Variants in RMDN2 observed in about 807,000 individuals in gnomAD.
RMDN2 encodes regulator of microtubule dynamics 2.
In RMDN2, 61 loss-of-function variants were observed where a neutral mutation model predicts 52.8. That is an observed-to-expected ratio of 1.16 (90% CI 0.94 to 1.43). RMDN2 has a LOEUF of 1.43. Among genes scored for constraint, RMDN2 ranks in the 40% most tolerant of loss-of-function variants. The pLI, the probability that RMDN2 is intolerant of heterozygous loss-of-function variation, is 0.00. For synonymous variants in RMDN2, 180 were observed against 153.1 expected (o/e 1.18, Z -1.30); for missense variants, 592 against 475.3 (o/e 1.25, Z -2.28).
chr2:38,005,272 G>T (rs1348103613), intron 10 of RMDN2, among the ~76,000 whole-genome samples: 1 of 152,162 alleles, frequency 6.6e-6, no homozygotes, highest in Non-Finnish European at 1.5e-5. Flanking sequence ...CTGAGGAATC[G>T]CCACACTGAC....
intron 10 of RMDN2, among the ~76,000 whole-genome samples, chr2:38,007,610 G>A (rs1296565284): frequency 6.6e-6 from 1 of 152,066 alleles, no homozygotes; most frequent in African/African-American, 2.4e-5. Context: ...TTCTTTATTA[G>A]TCTTCCTAGA....
intron 2 of RMDN2, chr2:37,951,438 A>G: frequency 1.9e-6 from 3 of 1,612,836 alleles, no homozygotes; most frequent in Non-Finnish European, 2.5e-6. Context: ...TTTCTCTGAA[A>G]GAAGATATTC....
intron 10 of RMDN2, among the ~76,000 whole-genome samples, chr2:38,047,121 A>G (rs1485938442): frequency 6.6e-6 from 1 of 152,200 alleles, no homozygotes; most frequent in Admixed American, 6.5e-5. Context: ...AATAAAAGAC[A>G]TTTTCAGATA....
upstream of RMDN2, among the ~76,000 whole-genome samples, chr2:37,921,530 A>C (rs1666031583): frequency 6.6e-6 from 1 of 152,248 alleles, no homozygotes; most frequent in African/African-American, 2.4e-5. Context: ...GCAAATGATC[A>C]GATTTGAGAA....
At chr2:37,995,672 C>T (rs1019850061) in intron 7 of RMDN2, among the ~76,000 whole-genome samples, 5 of 152,106 alleles carry the variant, frequency 3.3e-5, no homozygotes, top group African/African-American at 1.2e-4. Flanking sequence ...ATGTGGCTAA[C>T]CATTGGAGAA....
rs144829840 is a variant in RMDN2, at chr2:38,042,413, ACACACACACAC to A, written c.1714-24557_1714-24547del. Among the ~76,000 whole-genome samples, 67 of 53,318 alleles carry A rather than the reference ACACACACACAC, an allele frequency of 1.3e-3. 2 individuals are homozygous for A. The East Asian group carries it at 0.016, about 12-fold the overall frequency. 35.0% of individuals were successfully genotyped at this position (53,318 alleles called of 152,430 possible). On this transcript the variant is annotated intron_variant, in intron 10 of 10. Transcript: ENST00000234195. ...CAAAACCTCCCCCCGCCACACACAC[ACACACACACAC>A]CACACACACACACACACACCACACA...
chr2:37,975,158 G>C (rs1672298241), intron 3 of RMDN2, 54 bp from the exon 4 acceptor site: 1 of 1,045,566 alleles, frequency 9.6e-7, no homozygotes. Flanking sequence ...AACAAGAATA[G>C]AATAGACAAG....
intron 2 of RMDN2, among the ~76,000 whole-genome samples, chr2:37,948,401 C>G (rs1049250212): frequency 6.6e-6 from 1 of 152,044 alleles, no homozygotes; most frequent in Non-Finnish European, 1.5e-5. Context: ...TGATGGAATA[C>G]TGACCTAGGT....
intron 2 of RMDN2, among the ~76,000 whole-genome samples, chr2:37,944,462 A>G (rs1260829439): frequency 6.6e-6 from 1 of 152,212 alleles, no homozygotes; most frequent in Non-Finnish European, 1.5e-5. Flanking sequence ...CTTTATTTAC[A>G]AAAACAGGTG....
intron 2 of RMDN2, among the ~76,000 whole-genome samples, chr2:37,955,231 G>A (rs1203352505): frequency 1.3e-5 from 2 of 152,064 alleles, no homozygotes; most frequent in East Asian, 3.9e-4. Context: ...TTAGTACTAT[G>A]TCGAACAGAA....
At chr2:38,014,005 G>A (rs1045825009) in intron 10 of RMDN2, among the ~76,000 whole-genome samples, 6 of 152,108 alleles carry the variant, frequency 3.9e-5, no homozygotes, top group Middle Eastern at 6.8e-3. Flanking sequence ...TCGGGAGTTC[G>A]AGACCAGCCT....
intron 10 of RMDN2, among the ~76,000 whole-genome samples, chr2:38,057,540 C>T (rs887306707): frequency 1.3e-5 from 2 of 152,166 alleles, no homozygotes; most frequent in Non-Finnish European, 2.9e-5. Flanking sequence ...ACAGGAGATT[C>T]ATCTTACCAA....
chr2:37,971,802 C>A (rs1281222305), intron 2 of RMDN2, among the ~76,000 whole-genome samples: 1 of 152,094 alleles, frequency 6.6e-6, no homozygotes, highest in Non-Finnish European at 1.5e-5. Flanking sequence ...CTCCTTGCTC[C>A]CTTTAAGAGT....
intron 2 of RMDN2, among the ~76,000 whole-genome samples, chr2:37,945,387 C>T (rs1668138226): frequency 6.6e-6 from 1 of 152,170 alleles, no homozygotes. Flanking sequence ...TGCTATTGGT[C>T]ATGGATTCCA....
chr2:38,030,765 C>T (rs182960524), intron 10 of RMDN2: 1 of 152,280 alleles, frequency 6.6e-6, no homozygotes, highest in East Asian at 1.9e-4. Flanking sequence ...TGCTGAAGGT[C>T]ACACACTTTG....
intron 10 of RMDN2, among the ~76,000 whole-genome samples, chr2:38,037,491 G>T (rs1454217959): frequency 6.6e-6 from 1 of 152,230 alleles, no homozygotes; most frequent in African/African-American, 2.4e-5. Context: ...GAGAATCCCA[G>T]AAGTGTGTGG....
chr2:38,012,683 G>T (rs547235797), intron 10 of RMDN2: 1 of 437,982 alleles, frequency 2.3e-6, no homozygotes, highest in South Asian at 1.7e-5. Context: ...CTTTTTCCAT[G>T]AGAAAATAGG....
intron 10 of RMDN2, among the ~76,000 whole-genome samples, chr2:38,048,098 C>A (rs897560014): frequency 6.6e-6 from 1 of 152,228 alleles, no homozygotes; most frequent in Non-Finnish European, 1.5e-5. Flanking sequence ...TTCTAAACTT[C>A]ATTTCTCCTT....
intron 10 of RMDN2, among the ~76,000 whole-genome samples, chr2:38,039,147 A>T (rs1680800089): frequency 6.6e-6 from 1 of 151,360 alleles, no homozygotes; most frequent in Non-Finnish European, 1.5e-5. Flanking sequence ...TATAATTTTA[A>T]CTATATTCAT....
Sources: gnomAD v4.1 joint callset for allele counts (sites outside exome capture counted in the v4.1 genomes callset) on GRCh38, gnomAD v4.1.1 for gene constraint, MANE v1.5 for transcripts, NCBI Gene and HGNC (gene_info 2026-07-23, HGNC 2026-07-21) for gene names.